Variants in ANKFN1 observed in about 807,000 individuals in gnomAD.
ANKFN1 encodes ankyrin repeat and fibronectin type III domain containing 1.
A neutral mutation model predicts 108.7 loss-of-function variants in ANKFN1; 74 were observed. That is an observed-to-expected ratio of 0.68 (90% CI 0.56 to 0.83). The LOEUF (loss-of-function observed/expected upper bound fraction) is 0.83. Ranked by LOEUF, ANKFN1 falls within the 40% of genes least tolerant of loss-of-function variation. The pLI is 0.00. For missense variants in ANKFN1, 1,505 were observed against 1,382.3 expected (o/e 1.09, Z -1.41); for synonymous variants, 547 against 516.2 (o/e 1.06, Z -0.81).
intron 3 of ANKFN1, among the ~76,000 whole-genome samples, chr17:56,253,779 G>T (rs1038755080): frequency 6.6e-6 from 1 of 152,096 alleles, no homozygotes; most frequent in African/African-American, 2.4e-5. Flanking sequence ...TATGAGTCCA[G>T]GTGTACAGCT....
At chr17:56,488,615 A>G (rs2050931557) in intron 18 of ANKFN1, among the ~76,000 whole-genome samples, 1 of 152,216 alleles carries the variant, frequency 6.6e-6, no homozygotes, top group Admixed American at 6.5e-5. Context: ...ATGATTTAAG[A>G]GATCATTCCT....
At chr17:56,271,588 C>T (rs564179090) in intron 3 of ANKFN1, among the ~76,000 whole-genome samples, 3 of 152,142 alleles carry the variant, frequency 2.0e-5, no homozygotes, top group Non-Finnish European at 4.4e-5. Context: ...AAGGTAGTAT[C>T]GATGCATTGC....
At chr17:56,328,873 C>T (rs2045590593) in intron 4 of ANKFN1, among the ~76,000 whole-genome samples, 1 of 152,162 alleles carries the variant, frequency 6.6e-6, no homozygotes, top group South Asian at 2.1e-4. Context: ...CTAGCCCCTT[C>T]ATCCAATCAC....
At chr17:56,355,001 AG>A (rs2046337389) in intron 6 of ANKFN1, among the ~76,000 whole-genome samples, 1 of 152,132 alleles carries the variant, frequency 6.6e-6, no homozygotes, top group Non-Finnish European at 1.5e-5. Context: ...TTTGACAATT[AG>A]GTAGGAGGAA....
intron 20 of ANKFN1, 67 bp from the exon 21 acceptor site, chr17:56,510,406 C>A: frequency 7.4e-7 from 1 of 1,352,212 alleles, no homozygotes; most frequent in Non-Finnish European, 1.0e-6. Flanking sequence ...ATGCACTGTT[C>A]CTATGCCTGT....
At chr17:56,176,060 GGGTACTGGGA>G (rs1911120878) in intron 1 of ANKFN1, among the ~76,000 whole-genome samples, 1 of 151,940 alleles carries the variant, frequency 6.6e-6, no homozygotes, top group African/African-American at 2.4e-5. Context: ...ACATGAAGGG[GGGTACTGGGA>G]GGGGAGGATT....
At chr17:56,505,386 G>A (rs946892947) in intron 20 of ANKFN1, among the ~76,000 whole-genome samples, 2 of 152,288 alleles carry the variant, frequency 1.3e-5, no homozygotes, top group East Asian at 3.9e-4. Flanking sequence ...AGCACAAGAG[G>A]TTACTAATAC....
chr17:56,048,257 A>G (rs143797099), intron 4 of ANKFN1, among the ~76,000 whole-genome samples: 87 of 149,048 alleles, frequency 5.8e-4, no homozygotes, highest in African/African-American at 2.0e-3. Flanking sequence ...AGTTTTTTTC[A>G]TAATTATAAT....
chr17:56,297,387 G>T (rs938953897), intron 3 of ANKFN1, among the ~76,000 whole-genome samples: 1 of 152,198 alleles, frequency 6.6e-6, no homozygotes, highest in Non-Finnish European at 1.5e-5. Flanking sequence ...AAGGGCAGGA[G>T]GGTGAGAGCA....
At chr17:56,170,770 T>TA (rs61449101) in intron 1 of ANKFN1, among the ~76,000 whole-genome samples, 4,020 of 63,170 alleles carry the variant, frequency 0.064, 390 homozygotes, top group African/African-American at 0.22. Flanking sequence ...CAAGAAAAAA[T>TA]TTTTTATATA....
At chr17:56,059,265 A>G (rs1332820882) in intron 4 of ANKFN1, among the ~76,000 whole-genome samples, 1 of 152,024 alleles carries the variant, frequency 6.6e-6, no homozygotes, top group African/African-American at 2.4e-5. Flanking sequence ...TACTTTGCCC[A>G]CTTTTTTTGA....
chr17:56,160,190 A>T (rs1375946015), intron 1 of ANKFN1, among the ~76,000 whole-genome samples: 3 of 152,222 alleles, frequency 2.0e-5, no homozygotes, highest in Non-Finnish European at 4.4e-5. Flanking sequence ...TTTTATTATG[A>T]GGCTCTGTCC....
At chr17:56,327,487 T>G (rs2045552870) in intron 4 of ANKFN1, among the ~76,000 whole-genome samples, 1 of 152,118 alleles carries the variant, frequency 6.6e-6, no homozygotes, top group African/African-American at 2.4e-5. Flanking sequence ...CTTCTCTAAA[T>G]AAAAACCAAA....
intron 3 of ANKFN1, among the ~76,000 whole-genome samples, chr17:56,229,845 C>A (rs1262203879): frequency 6.6e-6 from 1 of 151,712 alleles, no homozygotes; most frequent in African/African-American, 2.4e-5. Flanking sequence ...GGATTATAAA[C>A]AATCCAGACA....
intron 8 of ANKFN1, among the ~76,000 whole-genome samples, chr17:56,394,414 C>T (rs988790214): frequency 4.6e-5 from 7 of 152,174 alleles, no homozygotes; most frequent in South Asian, 2.1e-4. Context: ...GAAGCCTTGG[C>T]GGAGATGGAG....
intron 18 of ANKFN1, among the ~76,000 whole-genome samples, chr17:56,485,597 A>G (rs977521378): frequency 1.3e-5 from 2 of 152,230 alleles, no homozygotes; most frequent in African/African-American, 4.8e-5. Context: ...AGAGTAACGT[A>G]TGAAAGGCTC....
chr17:56,414,043 G>T (rs187197904), intron 8 of ANKFN1, among the ~76,000 whole-genome samples: 7 of 152,242 alleles, frequency 4.6e-5, no homozygotes, highest in Admixed American at 3.3e-4. Flanking sequence ...AAGCCTACTT[G>T]GTAATTGTGG....
At chr17:56,052,284 G>A (rs569215869) in intron 4 of ANKFN1, among the ~76,000 whole-genome samples, 1 of 152,240 alleles carries the variant, frequency 6.6e-6, no homozygotes, top group South Asian at 2.1e-4. Flanking sequence ...GGGCTTATTA[G>A]AAGAAGCACT....
At chr17:56,295,825 GA>G (rs1405097203) in intron 3 of ANKFN1, among the ~76,000 whole-genome samples, 1 of 152,202 alleles carries the variant, frequency 6.6e-6, no homozygotes, top group African/African-American at 2.4e-5. Context: ...AGAGAGAGAA[GA>G]GGGGGGCCAA....
Sources: gnomAD v4.1 joint callset for allele counts (sites outside exome capture counted in the v4.1 genomes callset) on GRCh38, gnomAD v4.1.1 for gene constraint, MANE v1.5 for transcripts, NCBI Gene and HGNC (gene_info 2026-07-23, HGNC 2026-07-21) for gene names.